ANK3: variants seen among roughly 807,000 people sequenced by gnomAD.
ANK3 encodes ankyrin 3, also known as ankyrin-3.
In ANK3, 57 loss-of-function variants were observed where a neutral mutation model predicts 370.9. The ratio of observed to expected loss-of-function variants is 0.15; its 90% CI spans 0.12 to 0.19. The LOEUF is 0.19. ANK3 is among the 10% of genes least tolerant of loss of function. The pLI, the probability that ANK3 is intolerant of heterozygous loss-of-function variation, is 1.00. For synonymous variants in ANK3, 1,929 were observed against 1,946.3 expected (o/e 0.99, Z 0.23); for missense variants, 4,439 against 5,302.1 (o/e 0.84, Z 5.06).
At chr10:60,362,186 G>A (rs1035625783) in intron 1 of ANK3, among the ~76,000 whole-genome samples, 2 of 151,952 alleles carry the variant, frequency 1.3e-5, no homozygotes, top group African/African-American at 4.8e-5. Context: ...TAACTCCATA[G>A]TGAAGAGCTG....
chr10:60,252,010 A>G (rs573774605), intron 7 of ANK3, among the ~76,000 whole-genome samples: 13 of 152,298 alleles, frequency 8.5e-5, no homozygotes, highest in Admixed American at 7.8e-4. Flanking sequence ...TAGCTTTGCA[A>G]CTTTTTCCTA....
At chr10:60,327,630 G>A (rs890215333) in intron 1 of ANK3, among the ~76,000 whole-genome samples, 1 of 152,166 alleles carries the variant, frequency 6.6e-6, no homozygotes, top group African/African-American at 2.4e-5. Context: ...AGGCTCAAAG[G>A]CTGTGTCACT....
chr10:60,237,619 AATTTT>A (rs1157404463), intron 7 of ANK3, among the ~76,000 whole-genome samples: 2 of 151,566 alleles, frequency 1.3e-5, no homozygotes, highest in African/African-American at 4.8e-5. Flanking sequence ...AATTTAATTT[AATTTT>A]ATTATTATTA....
At chr10:60,513,563 G>GA (rs1236986336) in intron 2 of ANK3, among the ~76,000 whole-genome samples, 5 of 151,848 alleles carry the variant, frequency 3.3e-5, no homozygotes, top group African/African-American at 4.8e-5. Context: ...GTGTGAGTAG[G>GA]AAAAAAAGAA....
chr10:60,427,317 C>G (rs776471096), intron 2 of ANK3, among the ~76,000 whole-genome samples: 1 of 152,074 alleles, frequency 6.6e-6, no homozygotes, highest in East Asian at 1.9e-4. Flanking sequence ...GATAGACTAA[C>G]TGACATATCC....
At chr10:60,086,488 G>A in intron 30 of ANK3, 189 bp downstream of exon 30, 1 of 496,468 alleles carries the variant, frequency 2.0e-6, no homozygotes. Context: ...TCTTGACCAG[G>A]ATCTTCCCAA....
Position 60,684,371 on chromosome 10 carries a change from C to A in ANK3, c.57+48892G>T, listed in dbSNP as rs944838430. The A allele has an allele frequency of 8.3e-5, 41 of 492,364 alleles. No individual in the cohort carries two copies. The South Asian group carries it at 9.2e-4, about 11-fold the overall frequency. The allele number at this position is 492,364 out of a possible 1,614,324, so 30.5% of individuals were successfully genotyped here. ...AACAGGTATCAGCACACCTCCCCAGCGGCTGAGAGAGACGTTGAGTGAAGG... is the reference window on the plus strand; with the variant it reads ...AACAGGTATCAGCACACCTCCCCAGAGGCTGAGAGAGACGTTGAGTGAAGG... On this transcript the variant is annotated intron_variant, in intron 1 of 43. Transcript: ENST00000373827.
At chr10:60,153,980 T>C (rs986000832) in intron 23 of ANK3, among the ~76,000 whole-genome samples, 8 of 152,156 alleles carry the variant, frequency 5.3e-5, no homozygotes, top group Non-Finnish European at 8.8e-5. Context: ...CGATCAAACA[T>C]GTATTGAAGA....
chr10:60,699,433 T>G (rs1316589291), intron 1 of ANK3, among the ~76,000 whole-genome samples: 1 of 152,138 alleles, frequency 6.6e-6, no homozygotes, highest in Non-Finnish European at 1.5e-5. Flanking sequence ...AAAATTTTAC[T>G]TTTTAAAAAC....
exon 1 of ANK3, chr10:60,733,376 C>A: frequency 8.2e-7 from 1 of 1,219,434 alleles, no homozygotes; most frequent in Non-Finnish European, 1.0e-6. Flanking sequence ...CTCCCCGTCC[C>A]GCTCCTCGGG....
Position 60,469,507 on chromosome 10 carries a change from G to GTATATATATATATATATGGTGGTA in ANK3, c.96+145678_96+145679insTACCACCATATATATATATATATA, listed in dbSNP as rs1200129803. Reference sequence around the variant, plus strand: ...GTGGTATATATATATATATATGGTGGTATATATATATATGGTGGTATATAT... The same window carrying GTATATATATATATATATGGTGGTA: ...GTGGTATATATATATATATATGGTGGTATATATATATATATATGGTGGTATATATATATATATGGTGGTATATAT... On this transcript the variant is annotated intron_variant, in intron 2 of 43. Coordinates refer to the ANK3 transcript ENST00000373827. Among the ~76,000 whole-genome samples, 4 of 8,578 alleles carry GTATATATATATATATATGGTGGTA rather than the reference G, an allele frequency of 4.7e-4. 2 individuals carry two copies. Among genetic ancestry groups the GTATATATATATATATATGGTGGTA allele is most frequent in the Non-Finnish European group, 1.0e-3 (4 of 3,954 alleles). The allele number at this position is 8,578 out of a possible 152,430, so 5.6% of individuals were successfully genotyped here.
intron 1 of ANK3, among the ~76,000 whole-genome samples, chr10:60,292,713 CTTTT>C (rs55791354): frequency 7.2e-6 from 1 of 138,956 alleles, no homozygotes. Context: ...GACTTTCTTT[CTTTT>C]TTTTTTTTTT....
At chr10:60,242,585 C>T (rs2132567886) in intron 7 of ANK3, among the ~76,000 whole-genome samples, 1 of 152,136 alleles carries the variant, frequency 6.6e-6, no homozygotes, top group South Asian at 2.1e-4. Context: ...AAGACAAGGC[C>T]CCACTCTCAC....
chr10:60,607,420 A>T (rs1398643988), intron 2 of ANK3, among the ~76,000 whole-genome samples: 1 of 152,194 alleles, frequency 6.6e-6, no homozygotes, highest in Non-Finnish European at 1.5e-5. Context: ...TAATATAAAA[A>T]AAAAATTACT....
intron 1 of ANK3, among the ~76,000 whole-genome samples, chr10:60,316,229 C>G (rs1042388182): frequency 3.3e-5 from 5 of 152,108 alleles, no homozygotes; most frequent in Non-Finnish European, 4.4e-5. Context: ...GGTGCTCGCC[C>G]TGTGAAAAAC....
At chr10:60,197,988 C>T (rs754438870) in intron 14 of ANK3, among the ~76,000 whole-genome samples, 25 of 152,156 alleles carry the variant, frequency 1.6e-4, no homozygotes, top group Non-Finnish European at 3.2e-4. Context: ...ATCTACCAAC[C>T]GAGCTGTGAT....
At chr10:60,154,945 G>A (rs190894763) in intron 23 of ANK3, among the ~76,000 whole-genome samples, 64 of 152,150 alleles carry the variant, frequency 4.2e-4, no homozygotes, top group African/African-American at 1.3e-3. Context: ...GGTGTATATA[G>A]TTCTTTTGCC....
chr10:60,426,522 A>G (rs1168924246), intron 2 of ANK3, among the ~76,000 whole-genome samples: 1 of 152,086 alleles, frequency 6.6e-6, no homozygotes, highest in Non-Finnish European at 1.5e-5. Flanking sequence ...TGGGCAGGAG[A>G]CGCAATGAGT....
intron 2 of ANK3, among the ~76,000 whole-genome samples, chr10:60,475,369 T>C (rs1358338648): frequency 6.6e-6 from 1 of 152,160 alleles, no homozygotes. Flanking sequence ...TTACTGATCA[T>C]AGACAAGTGT....
Sources: allele counts gnomAD v4.1 joint callset (sites outside exome capture counted in the v4.1 genomes callset), GRCh38; gene constraint gnomAD v4.1.1; transcripts MANE v1.5; gene names NCBI Gene and HGNC (gene_info 2026-07-23, HGNC 2026-07-21).